BMP3: variants seen among roughly 807,000 people sequenced by gnomAD.
BMP3 encodes bone morphogenetic protein 3, also known as bone morphogenetic protein 3 (osteogenic).
In BMP3, 23 loss-of-function variants were observed where a neutral mutation model predicts 38.1. The ratio of observed to expected loss-of-function variants is 0.60; its 90% CI spans 0.43 to 0.86. The LOEUF (loss-of-function observed/expected upper bound fraction) is 0.86. BMP3 is among the 40% of genes least tolerant of loss of function. BMP3 has a pLI of 0.00. For synonymous variants in BMP3, 258 were observed against 225.7 expected (o/e 1.14, Z -1.28); for missense variants, 628 against 579.6 (o/e 1.08, Z -0.86).
chr4:81,041,234 A>G (rs965171234), intron 1 of BMP3, among the ~76,000 whole-genome samples: 4 of 152,220 alleles, frequency 2.6e-5, no homozygotes, highest in Non-Finnish European at 5.9e-5. Flanking sequence ...ACTTCTCTAT[A>G]TACATTCACT....
chr4:81,046,496 G>A lies in BMP3; in HGVS notation c.1075G>A (p.Ala359Thr), dbSNP rs781696038. 3.1e-6 allele frequency: 5 copies of A among 1,613,920 alleles called. No homozygotes were observed. The highest frequency in any genetic ancestry group is 2.2e-5 in the East Asian group (1 of 44,888). The change falls in exon 2 of 3, where the codon GCA becomes ACA. Residue 359 changes from alanine (A) to threonine (T), a missense_variant. Transcript: ENST00000282701. ...LQFDEQTLKK[A>T]RRKQWIEPRN... Reference sequence around the variant, plus strand: ...ATTTGATGAGCAGACCCTGAAAAAGGCAAGGAGAAAGCAGTGGATTGAACC... The same window carrying A: ...ATTTGATGAGCAGACCCTGAAAAAGACAAGGAGAAAGCAGTGGATTGAACC...
At chr4:81,047,653 G>GA (rs1213415384) in intron 2 of BMP3, among the ~76,000 whole-genome samples, 3 of 151,720 alleles carry the variant, frequency 2.0e-5, no homozygotes, top group Admixed American at 6.6e-5. Context: ...TGATAATGAA[G>GA]AAAAAATCCT....
At chr4:81,036,185 A>G (rs558995801) in intron 1 of BMP3, among the ~76,000 whole-genome samples, 1 of 152,128 alleles carries the variant, frequency 6.6e-6, no homozygotes, top group Admixed American at 6.5e-5. Flanking sequence ...ATTATGCTTT[A>G]AAAAGAAAAG....
Position 81,055,209 on chromosome 4 carries a change from A to G in BMP3, c.*1673A>G, listed in dbSNP as rs1740517775. 1 of 152,202 alleles carries G rather than the reference A, an allele frequency of 6.6e-6. No homozygotes were observed. The highest frequency in any genetic ancestry group is 6.5e-5 in the Admixed American group (1 of 15,268). 9.4% of individuals were successfully genotyped at this position (152,202 alleles called of 1,614,324 possible). On this transcript the variant is annotated 3_prime_UTR_variant, in exon 3 of 3. Transcript: ENST00000282701. ...GTAAGTCCCTCTTTTAATAAACTAA[A>G]TGAAAGAACATCCTATACTTCGCTG...
rs377131270 is a variant in BMP3 at position 81,053,419 on chromosome 4, G to T, written c.1302G>T (p.Glu434Asp). 6.2e-7 allele frequency: 1 copy of T among 1,611,886 alleles called. No homozygotes were observed. The highest frequency in any genetic ancestry group is 1.1e-5 in the South Asian group (1 of 90,728). ...TGGGGGTCGTTCCTGGGATTCCTGA[G>T]CCTTGCTGTGTACCAGAAAAGATGT... ...RAVGVVPGIPEPCCVPEKMSS... is the reference protein window; with the variant it reads ...RAVGVVPGIPDPCCVPEKMSS... The change falls in exon 3 of 3, where the codon GAG becomes GAT. Residue 434 changes from glutamate (E) to aspartate (D), a missense_variant. Coordinates refer to ENST00000282701, the MANE Select transcript of BMP3 (RefSeq NM_001201.5).
rs775103240 is a variant in BMP3 at position 81,031,234 on chromosome 4, G to A, written c.-51G>A. On this transcript the variant is annotated 5_prime_UTR_variant, in exon 1 of 3. Coordinates refer to ENST00000282701, the MANE Select transcript of BMP3 (RefSeq NM_001201.5). ...CCGCCGCCGGCTCCTTGCGCCTTCG[G>A]AGTGTCCCGCAGCGACGCCGGGAGC... 1 of 1,504,174 alleles carries A rather than the reference G, an allele frequency of 6.6e-7. No homozygotes were observed. The highest frequency in any genetic ancestry group is 1.3e-5 in the South Asian group (1 of 75,010). The allele number at this position is 1,504,174 out of a possible 1,614,324, so 93.2% of individuals were successfully genotyped here. A position where few individuals can be genotyped will look rare whatever the true frequency, so the allele number is the denominator to read the frequency against.
chr4:81,031,447 A>G lies in BMP3; in HGVS notation c.163A>G (p.Lys55Glu). Residue 55 changes from lysine (K) to glutamate (E), a missense_variant, in exon 1 of 3, where the codon AAG (lysine) becomes GAG (glutamate). Coordinates refer to ENST00000282701, the MANE Select transcript of BMP3 (RefSeq NM_001201.5). ...GPDSELQPQD[K>E]VSEHMLRLYD... ...GGACTCCGAGCTGCAGCCGCAAGAC[A>G]AGGTCTCTGAACACATGCTGCGGCT... The G allele has an allele frequency of 1.2e-6, 2 of 1,613,574 alleles. No homozygotes were observed. The highest frequency in any genetic ancestry group is 1.7e-6 in the Non-Finnish European group (2 of 1,179,756).
chr4:81,046,835 T>G (rs555786263), intron 2 of BMP3, among the ~76,000 whole-genome samples, 187 bp downstream of exon 2: 1 of 152,312 alleles, frequency 6.6e-6, no homozygotes, highest in South Asian at 2.1e-4. Context: ...GGTTTCTCTT[T>G]AATGGTTGTT....
At chr4:81,043,223 G>A (rs1740133159) in intron 1 of BMP3, among the ~76,000 whole-genome samples, 1 of 152,202 alleles carries the variant, frequency 6.6e-6, no homozygotes, top group African/African-American at 2.4e-5. Flanking sequence ...TTAGGCTCTG[G>A]TGACTGATCC....
chr4:81,041,252 A>G (rs1740067445), intron 1 of BMP3, among the ~76,000 whole-genome samples: 1 of 152,170 alleles, frequency 6.6e-6, no homozygotes, highest in Non-Finnish European at 1.5e-5. Flanking sequence ...ACTTGACCCC[A>G]TGCTGCTCGC....
chr4:81,041,230 C>G (rs1400031836), intron 1 of BMP3, among the ~76,000 whole-genome samples: 1 of 152,164 alleles, frequency 6.6e-6, no homozygotes, highest in Non-Finnish European at 1.5e-5. Context: ...ATTTACTTCT[C>G]TATATACATT....
chr4:81,039,467 C>G (rs866134587), intron 1 of BMP3, among the ~76,000 whole-genome samples: 14 of 152,262 alleles, frequency 9.2e-5, no homozygotes, highest in Middle Eastern at 3.4e-3. Context: ...CTTACCACTC[C>G]CTGGACACAG....
chr4:81,040,935 T>G (rs955350537), intron 1 of BMP3, among the ~76,000 whole-genome samples: 1 of 152,200 alleles, frequency 6.6e-6, no homozygotes, highest in Non-Finnish European at 1.5e-5. Context: ...TTTGATTCAA[T>G]CATTCCCAAT....
intron 1 of BMP3, among the ~76,000 whole-genome samples, chr4:81,043,458 C>A (rs562734527): frequency 1.3e-5 from 2 of 152,240 alleles, no homozygotes; most frequent in East Asian, 3.9e-4. Context: ...AAACTTCAAA[C>A]AAGCTCCACA....
rs763896031 is a variant in BMP3 at position 81,046,343 on chromosome 4, C to A, written c.922C>A (p.Gln308Lys). The A allele has an allele frequency of 6.2e-7, 1 of 1,613,918 alleles. No individual in the cohort carries two copies. Among genetic ancestry groups the A allele is most frequent in the South Asian group, 1.1e-5 (1 of 91,060 alleles). The change falls in exon 2 of 3, where the codon CAG (glutamine) becomes AAG (lysine). Residue 308 changes from glutamine to lysine, a missense_variant. Physicochemically the swap from Gln to Lys is moderately conservative, Grantham distance 53. Coordinates refer to ENST00000282701, the MANE Select transcript of BMP3 (RefSeq NM_001201.5). ...CAACGAGCTTCCTGGGGCAGAATACCAGTATAAAAAGGATGAGGTGTGGGA... is the reference window on the plus strand; with the variant it reads ...CAACGAGCTTCCTGGGGCAGAATACAAGTATAAAAAGGATGAGGTGTGGGA... ...QNNELPGAEYQYKKDEVWEER... is the reference protein window; with the variant it reads ...QNNELPGAEYKYKKDEVWEER...
rs1740491911 is a variant in BMP3 at position 81,054,419 on chromosome 4, T to G, written c.*883T>G. 6.6e-6 allele frequency: 1 copy of G among 152,272 alleles called. No homozygotes were observed. The highest frequency in any genetic ancestry group is 2.1e-4 in the South Asian group (1 of 4,834). The allele number at this position is 152,272 out of a possible 1,614,324, so 9.4% of individuals were successfully genotyped here. ...TCTTTTTCACAAATGCTTTTATTTA[T>G]TCTAAATTGAATTTAAAAATCCTTC... On this transcript the variant is annotated 3_prime_UTR_variant, in exon 3 of 3. Transcript: ENST00000282701.
At chr4:81,035,611 G>A (rs1010996007) in intron 1 of BMP3, among the ~76,000 whole-genome samples, 1 of 152,036 alleles carries the variant, frequency 6.6e-6, no homozygotes, top group Non-Finnish European at 1.5e-5. Context: ...AATGGAAGCA[G>A]AAGCAAGTAC....
At chr4:81,050,449 A>T (rs1053327375) in intron 2 of BMP3, among the ~76,000 whole-genome samples, 1 of 152,180 alleles carries the variant, frequency 6.6e-6, no homozygotes, top group Non-Finnish European at 1.5e-5. Context: ...AGAGATGGAA[A>T]ACAGAAATTT....
rs1740506552 is a variant in BMP3, at chr4:81,054,881, C to T, written c.*1345C>T. On this transcript the variant is annotated 3_prime_UTR_variant, in exon 3 of 3. Transcript: ENST00000282701. The stretch of plus-strand genomic sequence containing the variant: ...TGTTGGTGTTAATCTGTGGTTAATC[C>T]TCATTTTAGTTCCGTCTTATCTGAT... The T allele has an allele frequency of 6.6e-6, 1 of 152,038 alleles. No individual in the cohort carries two copies. Among genetic ancestry groups the T allele is most frequent in the Non-Finnish European group, 1.5e-5 (1 of 67,994 alleles). The allele number at this position is 152,038 out of a possible 1,614,324, so 9.4% of individuals were successfully genotyped here. A position where few individuals can be genotyped will look rare whatever the true frequency, so the allele number is the denominator to read the frequency against.
Sources: gnomAD v4.1 joint callset for allele counts (sites outside exome capture counted in the v4.1 genomes callset) on GRCh38, gnomAD v4.1.1 for gene constraint, MANE v1.5 for transcripts, NCBI Gene and HGNC (gene_info 2026-07-23, HGNC 2026-07-21) for gene names.